The following ADAMTS18 variants were observed in gnomAD, a reference collection of about 807,000 sequenced individuals.
The protein encoded by ADAMTS18 is ADAM metallopeptidase with thrombospondin type 1 motif 18, also known as A disintegrin and metalloproteinase with thrombospondin motifs 18.
A neutral mutation model predicts 165.9 loss-of-function variants in ADAMTS18; 157 were observed. The ratio of observed to expected loss-of-function variants is 0.95; its 90% CI spans 0.83 to 1.08. ADAMTS18 has a LOEUF of 1.08. ADAMTS18 is among the 50% of genes least tolerant of loss of function. The pLI is 0.00. For synonymous variants in ADAMTS18, 782 were observed against 578.2 expected, an observed-to-expected ratio of 1.35 and a Z score of -5.06; for missense variants, 2,040 against 1,534.0, an observed-to-expected ratio of 1.33 and a Z score of -5.51.
intron 19 of ADAMTS18, 109 bp from the exon 20 acceptor site, chr16:77,293,367 C>T (rs1367674326): frequency 1.0e-6 from 1 of 990,554 alleles, no homozygotes; most frequent in Non-Finnish European, 1.6e-6. Flanking sequence ...GGATAAACTC[C>T]ATGAACTAAA....
chr16:77,434,797 T>G lies in ADAMTS18; in HGVS notation c.-102A>C. 9.5e-7 allele frequency: 1 copy of G among 1,052,650 alleles called. No individual in the cohort carries two copies. Among genetic ancestry groups the G allele is most frequent in the Non-Finnish European group, 1.2e-6 (1 of 806,600 alleles). 65.2% of individuals were successfully genotyped at this position (1,052,650 alleles called of 1,614,324 possible). On this transcript the variant is annotated 5_prime_UTR_variant, in exon 1 of 23. Coordinates refer to ENST00000282849, the MANE Select transcript of ADAMTS18 (RefSeq NM_199355.4). ...CGGCCCCGGAGCTCGGCGCCCCAGG[T>G]GCGGCTCCAGGTGAGAGCCGCCGCC...
intron 3 of ADAMTS18, among the ~76,000 whole-genome samples, chr16:77,382,062 C>G (rs986781710): frequency 2.6e-5 from 4 of 152,128 alleles, no homozygotes; most frequent in African/African-American, 7.2e-5. Context: ...GACTACTCTG[C>G]CTTGCAACAG....
intron 3 of ADAMTS18, among the ~76,000 whole-genome samples, chr16:77,429,060 T>C (rs907218999): frequency 6.6e-6 from 1 of 152,104 alleles, no homozygotes; most frequent in Non-Finnish European, 1.5e-5. Context: ...AAAGCAGAAA[T>C]ACCATTCAAC....
chr16:77,304,985 C>T lies in ADAMTS18; in HGVS notation c.2533-4581G>A, dbSNP rs183770346. 1.0e-3 allele frequency among the ~76,000 whole-genome samples: 156 copies of T among 152,282 alleles called. 2 individuals are homozygous for T. Among genetic ancestry groups the T allele is most frequent in the African/African-American group, 3.6e-3 (148 of 41,546 alleles). On this transcript the variant is annotated intron_variant, in intron 16 of 22. Coordinates refer to ENST00000282849, the MANE Select transcript of ADAMTS18 (RefSeq NM_199355.4). ...GTATGTGTAGCTATAAATTCACATGCAGAGTTCAATGTGTTATCATGTAGA... is the reference window on the plus strand; with the variant it reads ...GTATGTGTAGCTATAAATTCACATGTAGAGTTCAATGTGTTATCATGTAGA...
chr16:77,285,140 A>G (rs17712926), intron 22 of ADAMTS18, among the ~76,000 whole-genome samples: 15,634 of 151,220 alleles, frequency 0.1, 1,121 homozygotes, highest in Admixed American at 0.22. Flanking sequence ...GTATGTAAAC[A>G]TAAGTGCATG....
At position 77,434,400 on chromosome 16, in the gene ADAMTS18, TG is replaced by T. The variant is rs1341667924; in HGVS notation, c.178+17del. ...TGCTGCGAAAGGCCCTTCTTGGGGA[TG>T]GGGGGCAAATACGAACCATCATTTA... On this transcript the variant is annotated intron_variant, in intron 2 of 22. Coordinates refer to ENST00000282849, the MANE Select transcript of ADAMTS18 (RefSeq NM_199355.4). 2.6e-6 allele frequency: 4 copies of T among 1,562,176 alleles called. No homozygotes were observed. The highest frequency in any genetic ancestry group is 1.2e-5 in the South Asian group (1 of 86,094).
At chr16:77,408,269 T>C (rs2144822527) in intron 3 of ADAMTS18, among the ~76,000 whole-genome samples, 1 of 152,270 alleles carries the variant, frequency 6.6e-6, no homozygotes, top group East Asian at 1.9e-4. Flanking sequence ...TGTAAATTGG[T>C]AGAACCACTT....
At chr16:77,403,134 A>G (rs115101149) in intron 3 of ADAMTS18, among the ~76,000 whole-genome samples, 1,743 of 152,344 alleles carry the variant, frequency 0.011, 39 homozygotes, top group African/African-American at 0.04. Flanking sequence ...TCAAATTTGT[A>G]GTTAAGGCAA....
At chr16:77,427,501 T>C (rs2057688625) in intron 3 of ADAMTS18, among the ~76,000 whole-genome samples, 1 of 152,208 alleles carries the variant, frequency 6.6e-6, no homozygotes, top group Non-Finnish European at 1.5e-5. Context: ...AGGACAGACA[T>C]GGCAGATCAC....
chr16:77,294,317 AC>A, intron 19 of ADAMTS18, among the ~76,000 whole-genome samples: 1 of 152,180 alleles, frequency 6.6e-6, no homozygotes, highest in Middle Eastern at 3.4e-3. Flanking sequence ...ACCTCTACCC[AC>A]TAGATGCCAG....
At chr16:77,323,622 G>A (rs1049654214) in intron 13 of ADAMTS18, among the ~76,000 whole-genome samples, 2 of 150,770 alleles carry the variant, frequency 1.3e-5, no homozygotes, top group Non-Finnish European at 2.9e-5. Context: ...AAACACAGAG[G>A]AAAGACGGGA....
chr16:77,413,359 T>G (rs2057489861), intron 3 of ADAMTS18, among the ~76,000 whole-genome samples: 1 of 152,118 alleles, frequency 6.6e-6, no homozygotes, highest in Non-Finnish European at 1.5e-5. Context: ...TAGGGTAGAG[T>G]GCAGAAAAAC....
chr16:77,319,874 G>C lies in ADAMTS18; in HGVS notation c.2507C>G (p.Pro836Arg), dbSNP rs1567478599. Residue 836 changes from proline to arginine, a missense_variant, in exon 16 of 23, where the codon CCC (proline) becomes CGC (arginine). Coordinates refer to ENST00000282849, the MANE Select transcript of ADAMTS18 (RefSeq NM_199355.4). The part of the protein sequence containing the change: ...NRPERLYAPG[P>R]TNETLVFEIL... ...TTCAAAGACCAGCGTCTCATTTGTG[G>C]GCCCTGGCGCGTACAGACGTTCCGG... The C allele has an allele frequency of 6.2e-7, 1 of 1,614,204 alleles. No individual in the cohort carries two copies.
At chr16:77,409,904 A>G (rs1471829209) in intron 3 of ADAMTS18, among the ~76,000 whole-genome samples, 10 of 152,106 alleles carry the variant, frequency 6.6e-5, no homozygotes, top group Non-Finnish European at 4.4e-5. Context: ...GTGATTCCAT[A>G]CCTCCTGCTA....
chr16:77,362,766 C>T (rs2056734433), intron 6 of ADAMTS18, among the ~76,000 whole-genome samples: 1 of 152,148 alleles, frequency 6.6e-6, no homozygotes, highest in African/African-American at 2.4e-5. Flanking sequence ...AGGACCTACC[C>T]TTAAAATAAT....
chr16:77,284,942 G>A (rs17769663), intron 22 of ADAMTS18, among the ~76,000 whole-genome samples: 26 of 151,262 alleles, frequency 1.7e-4, no homozygotes, highest in Non-Finnish European at 3.2e-4. Flanking sequence ...TGAAAAAGCC[G>A]GGTCTCCAAC....
In ADAMTS18 at chr16:77,359,303, C is replaced by T. The variant is rs1404436478; in HGVS notation, c.1322+15G>A. The T allele has an allele frequency of 1.9e-6, 3 of 1,609,598 alleles. No individual in the cohort carries two copies. The highest frequency in any genetic ancestry group is 2.5e-6 in the Non-Finnish European group (3 of 1,177,050). ...CTAGTTTTCACATAAAGTAGTGGTT[C>T]AAAGAGGCACTTACTTGTGCCCTGA... On this transcript the variant is annotated intron_variant, in intron 8 of 22. Transcript: ENST00000282849.
rs571620658 is a variant in ADAMTS18, at chr16:77,332,447, C to CA, written c.1859+3308_1859+3309insT. On this transcript the variant is annotated intron_variant, in intron 12 of 22. Coordinates refer to ENST00000282849, the MANE Select transcript of ADAMTS18 (RefSeq NM_199355.4). The stretch of plus-strand genomic sequence containing the variant: ...TTGGTGAATGCCCACTGAATGTTCC[C>CA]CAGTCTGTCAGGCATTCTAAAGATG... Among the ~76,000 whole-genome samples, 53 of 152,250 alleles carry CA rather than the reference C, an allele frequency of 3.5e-4. 2 individuals carry two copies. In the South Asian group the frequency reaches 0.011, roughly 31 times the overall value.
Position 77,334,658 on chromosome 16 carries a change from C to G in ADAMTS18, c.1859+1098G>C, listed in dbSNP as rs1355080932. Among the ~76,000 whole-genome samples, 8 of 109,248 alleles carry G rather than the reference C, an allele frequency of 7.3e-5. 1 individual carries two copies. In the South Asian group the frequency reaches 2.1e-3, roughly 28 times the overall value. 71.7% of individuals were successfully genotyped at this position (109,248 alleles called of 152,430 possible). A position where few individuals can be genotyped will look rare whatever the true frequency, so the allele number is the denominator to read the frequency against. On this transcript the variant is annotated intron_variant, in intron 12 of 22. Coordinates refer to ENST00000282849, the MANE Select transcript of ADAMTS18 (RefSeq NM_199355.4). The stretch of plus-strand genomic sequence containing the variant: ...GTATATAGTGTATATACACTATATA[C>G]TGTATATAGTGCATATACTATAGTA...
Sources: gnomAD v4.1 joint callset for allele counts (sites outside exome capture counted in the v4.1 genomes callset) on GRCh38, gnomAD v4.1.1 for gene constraint, MANE v1.5 for transcripts, NCBI Gene and HGNC (gene_info 2026-07-23, HGNC 2026-07-21) for gene names.